DCAF1: variants seen among roughly 807,000 people sequenced by gnomAD.
DCAF1 encodes the protein DDB1- and CUL4-associated factor 1.
DCAF1 carries 15 observed loss-of-function variants against 128.0 expected under a neutral mutation model. The observed-to-expected ratio is 0.12, with a 90% CI of 0.08 to 0.18. DCAF1 has a LOEUF of 0.18. Among genes scored for constraint, DCAF1 ranks in the 10% least tolerant of loss-of-function variants. The pLI is 1.00. For missense variants in DCAF1, 988 were observed against 1,649.5 expected (o/e 0.60, Z 6.95); for synonymous variants, 610 against 603.0 (o/e 1.01, Z -0.17).
At chr3:51,489,845 AG>A (rs1707425474) in intron 2 of DCAF1, among the ~76,000 whole-genome samples, 1 of 151,616 alleles carries the variant, frequency 6.6e-6, no homozygotes, top group African/African-American at 2.4e-5. Flanking sequence ...ATAGATAGAT[AG>A]ATAGATAGAT....
In DCAF1 at chr3:51,418,810, G is replaced by A. The variant is rs1205391187; in HGVS notation, c.3303C>T (p.Phe1101=). 6.2e-7 allele frequency: 1 copy of A among 1,613,958 alleles called. No individual in the cohort carries two copies. Among genetic ancestry groups the A allele is most frequent in the Non-Finnish European group, 8.5e-7 (1 of 1,179,880 alleles). The change falls in exon 16 of 25, where the codon TTC becomes TTT. Residue 1101 remains phenylalanine (F), a synonymous_variant. Coordinates refer to ENST00000684031, the MANE Select transcript of DCAF1 (RefSeq NM_001387579.1). ...EDESGFTCCA[F]SARERFLMLG... ...GCATCAGGAACCGCTCCCGTGCTGA[G>A]AATGCACAGCAGGTGAAGCCACTCT...
At chr3:51,499,295 A>T (rs1708574119) in intron 1 of DCAF1, among the ~76,000 whole-genome samples, 1 of 152,184 alleles carries the variant, frequency 6.6e-6, no homozygotes, top group South Asian at 2.1e-4. Flanking sequence ...CTCTCTTTCC[A>T]ACCCTTCCCT....
chr3:51,447,522 T>G (rs1398834644), intron 6 of DCAF1, among the ~76,000 whole-genome samples: 3 of 152,228 alleles, frequency 2.0e-5, no homozygotes, highest in African/African-American at 7.2e-5. Flanking sequence ...TTCAGCATAT[T>G]TCTTTGTGCC....
In DCAF1 at chr3:51,421,004, G is replaced by C; in HGVS notation, c.1973-7C>G. 6.3e-7 allele frequency: 1 copy of C among 1,591,758 alleles called. No homozygotes were observed. The highest frequency in any genetic ancestry group is 8.5e-7 in the Non-Finnish European group (1 of 1,169,622). ...CCCAAAATAATGCTGATACCTAATG[G>C]GAAAAAAAATTATGTATTATTCACC... On this transcript the variant is annotated splice_polypyrimidine_tract_variant and splice_region_variant and intron_variant, in intron 14 of 24. Transcript: ENST00000684031.
In DCAF1 at chr3:51,398,669, A is replaced by C; in HGVS notation, c.*100T>G. On this transcript the variant is annotated 3_prime_UTR_variant, in exon 25 of 25. Coordinates refer to ENST00000684031, the MANE Select transcript of DCAF1 (RefSeq NM_001387579.1). ...GAATGCAGGGCATGCAGCTCCTTAA[A>C]AGACAGACAGCCCTGGGAGAAAGAG... The C allele has an allele frequency of 4.7e-6, 7 of 1,483,342 alleles. No individual in the cohort carries two copies. The highest frequency in any genetic ancestry group is 2.0e-5 in the Admixed American group (1 of 50,010). The allele number at this position is 1,483,342 out of a possible 1,614,324, so 91.9% of individuals were successfully genotyped here.
At chr3:51,445,916 G>A (rs1432218585) in intron 6 of DCAF1, among the ~76,000 whole-genome samples, 7 of 151,110 alleles carry the variant, frequency 4.6e-5, no homozygotes, top group Non-Finnish European at 1.0e-4. Flanking sequence ...TTTCATTTAT[G>A]TGTTGACCAT....
chr3:51,418,596 A>G, intron 16 of DCAF1, 82 bp downstream of exon 16: 2 of 1,513,714 alleles, frequency 1.3e-6, no homozygotes, highest in Admixed American at 2.3e-5. Context: ...AGAGAGCTCA[A>G]TAAAGGGTAA....
chr3:51,460,727 A>T (rs1703458366), intron 6 of DCAF1, among the ~76,000 whole-genome samples: 1 of 152,208 alleles, frequency 6.6e-6, no homozygotes, highest in African/African-American at 2.4e-5. Flanking sequence ...AGACCAATGG[A>T]ACAGAATAGA....
At chr3:51,456,146 C>A (rs1002258966) in intron 6 of DCAF1, among the ~76,000 whole-genome samples, 14 of 152,190 alleles carry the variant, frequency 9.2e-5, no homozygotes, top group African/African-American at 2.9e-4. Flanking sequence ...TCAGGGAATT[C>A]CCTTTCCTAG....
downstream of DCAF1, chr3:51,396,250 C>CG: frequency 3.9e-6 from 1 of 256,260 alleles, no homozygotes; most frequent in Admixed American, 5.6e-5. Flanking sequence ...AGAGAAGACA[C>CG]TTCAACCTTT....
upstream of DCAF1, among the ~76,000 whole-genome samples, chr3:51,504,157 A>C (rs1708886640): frequency 6.8e-6 from 1 of 147,812 alleles, no homozygotes; most frequent in Non-Finnish European, 1.5e-5. Context: ...CTTCCTCAGC[A>C]TCCTGAGTAG....
Position 51,428,331 on chromosome 3 carries a change from C to T in DCAF1, c.1678-790G>A, listed in dbSNP as rs1287444645. ...GCTGACACAGGTGTACCACCATGCCCTTTTTTTTTTTTTTTTTTTTGAGAC... is the reference window on the plus strand; with the variant it reads ...GCTGACACAGGTGTACCACCATGCCTTTTTTTTTTTTTTTTTTTTTGAGAC... On this transcript the variant is annotated intron_variant, in intron 12 of 24. Transcript: ENST00000684031. 3.6e-5 allele frequency among the ~76,000 whole-genome samples: 4 copies of T among 110,502 alleles called. No individual in the cohort carries two copies. The East Asian group carries it at 8.1e-4, about 23-fold the overall frequency. 72.5% of individuals were successfully genotyped at this position (110,502 alleles called of 152,430 possible).
intron 3 of DCAF1, among the ~76,000 whole-genome samples, chr3:51,476,494 T>C (rs1705458452): frequency 6.9e-6 from 1 of 145,618 alleles, no homozygotes; most frequent in African/African-American, 2.6e-5. Flanking sequence ...CAAGTTCTAC[T>C]ATAACTTGAT....
At chr3:51,424,609 C>CA (rs1489138416) in intron 13 of DCAF1, among the ~76,000 whole-genome samples, 1 of 151,636 alleles carries the variant, frequency 6.6e-6, no homozygotes, top group Non-Finnish European at 1.5e-5. Context: ...ATTTAATAGC[C>CA]AAAAAAACCA....
At chr3:51,427,636 T>G (rs371816365) in intron 12 of DCAF1, 95 bp from the exon 13 acceptor site, 1 of 442,592 alleles carries the variant, frequency 2.3e-6, no homozygotes, top group South Asian at 6.7e-5. Context: ...AGATTTTATT[T>G]TATTTACTTA....
At chr3:51,441,209 C>T in intron 8 of DCAF1, 138 bp from the exon 9 acceptor site, 1 of 1,175,140 alleles carries the variant, frequency 8.5e-7, no homozygotes, top group Non-Finnish European at 1.2e-6. Context: ...TGTAAATGCA[C>T]TTTAATCAAA....
chr3:51,402,439 A>G (rs1553625178), intron 24 of DCAF1, among the ~76,000 whole-genome samples: 4 of 151,862 alleles, frequency 2.6e-5, no homozygotes, highest in East Asian at 1.9e-4. Flanking sequence ...CCCACCACCT[A>G]TTTTTGCAAA....
intron 15 of DCAF1, 104 bp from the exon 16 acceptor site, chr3:51,418,980 T>C: frequency 1.4e-6 from 2 of 1,415,858 alleles, no homozygotes; most frequent in Non-Finnish European, 9.2e-7. Flanking sequence ...ATGTTTCAAA[T>C]GGCTTCTTCC....
At chr3:51,475,566 C>T (rs1705330177) in intron 3 of DCAF1, among the ~76,000 whole-genome samples, 1 of 152,102 alleles carries the variant, frequency 6.6e-6, no homozygotes, top group Admixed American at 6.6e-5. Context: ...TATGATAAAA[C>T]TGCTGCACTC....
Sources: allele counts gnomAD v4.1 joint callset (sites outside exome capture counted in the v4.1 genomes callset), GRCh38; gene constraint gnomAD v4.1.1; transcripts MANE v1.5; gene names NCBI Gene and HGNC (gene_info 2026-07-23, HGNC 2026-07-21).